SCNN1G: variants seen among roughly 807,000 people sequenced by gnomAD.
SCNN1G encodes the protein epithelial sodium channel subunit gamma.
Under a neutral mutation model 64.6 loss-of-function variants are expected in SCNN1G, and 27 were observed. That is an observed-to-expected ratio of 0.42 (90% CI 0.31 to 0.58). The LOEUF (loss-of-function observed/expected upper bound fraction) is 0.58, where lower values mean the gene tolerates loss of function less well. Ranked by LOEUF, SCNN1G falls within the 20% of genes least tolerant of loss-of-function variation. SCNN1G has a pLI of 0.18. For synonymous variants in SCNN1G, 330 were observed against 314.2 expected (o/e 1.05, Z -0.53); for missense variants, 743 against 823.4 (o/e 0.90, Z 1.19).
intron 6 of SCNN1G, among the ~76,000 whole-genome samples, chr16:23,205,963 A>C (rs1596773645): frequency 6.6e-6 from 1 of 152,188 alleles, no homozygotes; most frequent in Admixed American, 6.5e-5. Context: ...TGGGGGAGGA[A>C]GTCCTTTTTA....
Position 23,197,425 on chromosome 16 carries a change from C to T in SCNN1G, c.1075C>T (p.Leu359=). 1 of 1,613,298 alleles carries T rather than the reference C, an allele frequency of 6.2e-7. No individual in the cohort carries two copies. The highest frequency in any genetic ancestry group is 1.1e-5 in the South Asian group (1 of 91,054). ...TAMVTSIGMH[L]TESFKLSEPY... ...AATGGTCACCTCTATAGGAATGCAC[C>T]TGGTAAGAGAATATTCTCATTTCCA... The change falls in exon 6 of 13, where the codon CTG becomes TTG. Residue 359 remains leucine, a splice_region_variant and synonymous_variant. Coordinates refer to ENST00000300061, the MANE Select transcript of SCNN1G (RefSeq NM_001039.4).
At chr16:23,187,522 A>G (rs1368722532) in intron 2 of SCNN1G, among the ~76,000 whole-genome samples, 1 of 152,086 alleles carries the variant, frequency 6.6e-6, no homozygotes, top group African/African-American at 2.4e-5. Context: ...CACACTCCCC[A>G]TATCAAGCCC....
At chr16:23,205,943 C>A (rs1959983284) in intron 6 of SCNN1G, among the ~76,000 whole-genome samples, 1 of 152,170 alleles carries the variant, frequency 6.6e-6, no homozygotes, top group African/African-American at 2.4e-5. Flanking sequence ...TCCACCATGC[C>A]CTCAGTGGCT....
At chr16:23,208,911 C>T (rs2141942736) in intron 6 of SCNN1G, among the ~76,000 whole-genome samples, 2 of 152,060 alleles carry the variant, frequency 1.3e-5, no homozygotes, top group Middle Eastern at 6.8e-3. Context: ...CCCTGCTCAT[C>T]TTTCTAATCC....
At chr16:23,209,623 T>G in intron 6 of SCNN1G, 127 bp from the exon 7 acceptor site, 1 of 739,198 alleles carries the variant, frequency 1.4e-6, no homozygotes, top group Non-Finnish European at 2.5e-6. Context: ...TTTCATTAAA[T>G]GAATGACCAA....
At chr16:23,189,329 G>A (rs754334119) in intron 2 of SCNN1G, 42 bp from the exon 3 acceptor site, 1 of 1,601,010 alleles carries the variant, frequency 6.2e-7, no homozygotes. Context: ...TTCTGCCAGG[G>A]CCGCCTCCCC....
intron 7 of SCNN1G, 48 bp from the exon 8 acceptor site, chr16:23,211,986 C>A: frequency 7.3e-7 from 1 of 1,365,434 alleles, no homozygotes; most frequent in Non-Finnish European, 1.0e-6. Context: ...AACTCCCTGA[C>A]ATCCCTGAGC....
rs1318636282 is a variant in SCNN1G, at chr16:23,204,314, T to G, written c.1078-5436T>G. 2.1e-3 allele frequency among the ~76,000 whole-genome samples: 171 copies of G among 81,742 alleles called. 4 individuals carry two copies. Among genetic ancestry groups the G allele is most frequent in the Middle Eastern group, 5.7e-3 (1 of 174 alleles). The allele number at this position is 81,742 out of a possible 152,430, so 53.6% of individuals were successfully genotyped here. A position where few individuals can be genotyped will look rare whatever the true frequency, so the allele number is the denominator to read the frequency against. The stretch of plus-strand genomic sequence containing the variant: ...ATATATATATATATATATATATATA[T>G]ATATATATATATATATATATAGAGA... On this transcript the variant is annotated intron_variant, in intron 6 of 12. Coordinates refer to ENST00000300061, the MANE Select transcript of SCNN1G (RefSeq NM_001039.4).
intron 11 of SCNN1G, 87 bp downstream of exon 11, chr16:23,213,250 C>CACTT: frequency 1.3e-6 from 1 of 771,268 alleles, no homozygotes; most frequent in South Asian, 1.7e-5. Flanking sequence ...TGGCCAAATC[C>CACTT]TCTTTTTTTT....
In SCNN1G at chr16:23,215,576, GC is replaced by G. The variant is rs1028468067; in HGVS notation, c.*108del. ...CAGGGGACCCTCTGCCCCACTCTGG[GC>G]TTTTCAGATACTCTGACCAAAAAGC... On this transcript the variant is annotated 3_prime_UTR_variant, in exon 13 of 13. Coordinates refer to ENST00000300061, the MANE Select transcript of SCNN1G (RefSeq NM_001039.4). 4.8e-5 allele frequency: 67 copies of G among 1,386,360 alleles called. No homozygotes were observed. The highest frequency in any genetic ancestry group is 6.3e-5 in the Non-Finnish European group (63 of 992,254). The allele number at this position is 1,386,360 out of a possible 1,614,324, so 85.9% of individuals were successfully genotyped here.
At chr16:23,214,916 G>C in intron 12 of SCNN1G, 129 bp downstream of exon 12, 1 of 1,084,562 alleles carries the variant, frequency 9.2e-7, no homozygotes, top group Non-Finnish European at 1.4e-6. Context: ...AGGCTAGCCA[G>C]GTCTCAGGTC....
At position 23,192,368 on chromosome 16, in the gene SCNN1G, C is replaced by G; in HGVS notation, c.635C>G (p.Ser212Cys). The G allele has an allele frequency of 6.2e-7, 1 of 1,614,130 alleles. No homozygotes were observed. The highest frequency in any genetic ancestry group is 8.5e-7 in the Non-Finnish European group (1 of 1,179,992). Reference protein sequence around the residue: ...VGFQLCSNDTSDCATYTFSSG... With the variant: ...VGFQLCSNDTCDCATYTFSSG... Reference sequence around the variant, plus strand: ...TATTCACAGTGCTCAAATGACACCTCCGACTGTGCCACCTACACCTTCAGC... The same window carrying G: ...TATTCACAGTGCTCAAATGACACCTGCGACTGTGCCACCTACACCTTCAGC... Residue 212 changes from serine (S) to cysteine (C), a missense_variant, in exon 4 of 13, where the codon TCC becomes TGC. Coordinates refer to ENST00000300061, the MANE Select transcript of SCNN1G (RefSeq NM_001039.4).
chr16:23,201,059 C>T (rs1959880805), intron 6 of SCNN1G, among the ~76,000 whole-genome samples: 1 of 152,210 alleles, frequency 6.6e-6, no homozygotes, highest in Admixed American at 6.5e-5. Flanking sequence ...CTATCTCGAA[C>T]CCTCAATCTG....
At chr16:23,186,691 A>G in intron 2 of SCNN1G, 103 bp downstream of exon 2, 1 of 992,946 alleles carries the variant, frequency 1.0e-6, no homozygotes, top group Non-Finnish European at 1.6e-6. Context: ...GGTCGATTCC[A>G]GCCTACAAAT....
chr16:23,205,910 G>A (rs143829774), intron 6 of SCNN1G, among the ~76,000 whole-genome samples: 6 of 152,272 alleles, frequency 3.9e-5, no homozygotes, highest in African/African-American at 9.6e-5. Flanking sequence ...ACTTTAGCCT[G>A]TTGACTGGGG....
At position 23,192,358 on chromosome 16, in the gene SCNN1G, A is replaced by G. The variant is rs772430365; in HGVS notation, c.625A>G (p.Asn209Asp). The change falls in exon 4 of 13, where the codon AAT becomes GAT. Residue 209 changes from asparagine (N) to aspartate (D), a missense_variant. Coordinates refer to ENST00000300061, the MANE Select transcript of SCNN1G (RefSeq NM_001039.4). ...KQVVGFQLCS[N>D]DTSDCATYTF... ...CATCTCCTCTTATTCACAGTGCTCA[A>G]ATGACACCTCCGACTGTGCCACCTA... is the stretch of plus-strand genomic sequence containing the variant. 5 of 1,613,988 alleles carry G rather than the reference A, an allele frequency of 3.1e-6. No individual in the cohort carries two copies. The highest frequency in any genetic ancestry group is 4.2e-6 in the Non-Finnish European group (5 of 1,179,896).
chr16:23,208,251 G>A (rs1347204741), intron 6 of SCNN1G, among the ~76,000 whole-genome samples: 1 of 152,100 alleles, frequency 6.6e-6, no homozygotes, highest in Admixed American at 6.5e-5. Context: ...AGAGGCTGAG[G>A]CAGGAAGGTC....
intron 6 of SCNN1G, among the ~76,000 whole-genome samples, chr16:23,199,870 A>G (rs980946732): frequency 6.6e-6 from 1 of 151,338 alleles, no homozygotes; most frequent in Non-Finnish European, 1.5e-5. Flanking sequence ...ACAGGGTTTC[A>G]CTGTGTTAGC....
intron 3 of SCNN1G, among the ~76,000 whole-genome samples, chr16:23,191,801 C>T (rs1207076112): frequency 2.0e-5 from 3 of 152,192 alleles, no homozygotes; most frequent in South Asian, 2.1e-4. Context: ...TGTATAATGG[C>T]TTCTCTATAA....
Sources: allele counts gnomAD v4.1 joint callset (sites outside exome capture counted in the v4.1 genomes callset), GRCh38; gene constraint gnomAD v4.1.1; transcripts MANE v1.5; gene names NCBI Gene and HGNC (gene_info 2026-07-23, HGNC 2026-07-21).